The following SGCZ variants were observed in gnomAD, a reference collection of about 807,000 sequenced individuals.
SGCZ encodes the protein zeta-sarcoglycan.
SGCZ carries 40 observed loss-of-function variants against 41.3 expected under a neutral mutation model. The observed-to-expected ratio is 0.97, with a 90% CI of 0.75 to 1.26. SGCZ has a LOEUF of 1.26. SGCZ is among the 50% of genes most tolerant of loss of function. The probability of loss-of-function intolerance (pLI) is 0.00; values close to 1 mark genes in which losing one functional copy is unlikely to be tolerated. For missense variants in SGCZ, 552 were observed against 369.8 expected (o/e 1.49, Z -4.04); for synonymous variants, 206 against 137.5 (o/e 1.50, Z -3.49).
At chr8:15,145,146 C>T (rs1367483864) in intron 1 of SGCZ, among the ~76,000 whole-genome samples, 2 of 152,192 alleles carry the variant, frequency 1.3e-5, no homozygotes, top group South Asian at 4.1e-4. Flanking sequence ...CTCAGTCCTT[C>T]TGGCTTCTCT....
intron 1 of SGCZ, among the ~76,000 whole-genome samples, chr8:15,080,619 T>C (rs371212627): frequency 5.9e-5 from 9 of 151,970 alleles, no homozygotes; most frequent in African/African-American, 2.2e-4. Flanking sequence ...TGAGACAGAG[T>C]CTTGCTCTGT....
intron 1 of SGCZ, among the ~76,000 whole-genome samples, chr8:15,159,598 G>A (rs1283254487): frequency 6.6e-6 from 1 of 152,166 alleles, no homozygotes; most frequent in African/African-American, 2.4e-5. Context: ...CTTGCCTGGT[G>A]TGTGGGCAAC....
At chr8:14,792,903 T>A (rs1034853843) in intron 1 of SGCZ, among the ~76,000 whole-genome samples, 9 of 152,158 alleles carry the variant, frequency 5.9e-5, no homozygotes, top group Non-Finnish European at 1.0e-4. Context: ...AGAAGCTTCA[T>A]GGTTTTAAAT....
At chr8:15,075,909 C>A (rs546430923) in intron 1 of SGCZ, among the ~76,000 whole-genome samples, 18 of 150,576 alleles carry the variant, frequency 1.2e-4, no homozygotes, top group Admixed American at 9.2e-4. Flanking sequence ...GGCAGAAATA[C>A]AAATCATTTG....
intron 1 of SGCZ, among the ~76,000 whole-genome samples, chr8:14,718,095 T>C (rs560228847): frequency 6.6e-6 from 1 of 151,788 alleles, no homozygotes; most frequent in African/African-American, 2.4e-5. Context: ...TAGAAATGAA[T>C]AACTGTGACT....
intron 4 of SGCZ, among the ~76,000 whole-genome samples, chr8:14,190,030 T>TTTTTTTTTC (rs1805043150): frequency 6.8e-6 from 1 of 146,792 alleles, no homozygotes; most frequent in Non-Finnish European, 1.5e-5. Context: ...TTTTTTTTTT[T>TTTTTTTTTC]GAGACGGACT....
chr8:14,164,798 A>C lies in SGCZ; in HGVS notation c.425-96T>G. 7 of 1,389,060 alleles carry C rather than the reference A, an allele frequency of 5.0e-6. No homozygotes were observed. In the South Asian group the frequency reaches 9.5e-5, roughly 19 times the overall value. The allele number at this position is 1,389,060 out of a possible 1,614,324, so 86.0% of individuals were successfully genotyped here. On this transcript the variant is annotated intron_variant, in intron 4 of 7. Coordinates refer to ENST00000382080, the MANE Select transcript of SGCZ (RefSeq NM_139167.4). ...TAGACTAGAAATGCATATATTATTT[A>C]ATTTGTTTATCTCTGCTGTATGTTT...
At chr8:15,064,875 C>G (rs184212461) in intron 1 of SGCZ, among the ~76,000 whole-genome samples, 46 of 152,176 alleles carry the variant, frequency 3.0e-4, no homozygotes, top group Admixed American at 6.5e-4. Flanking sequence ...AGACCAAACC[C>G]CTGGCGTTTC....
chr8:14,533,128 A>G (rs1436828117), intron 2 of SGCZ, among the ~76,000 whole-genome samples: 7 of 151,956 alleles, frequency 4.6e-5, no homozygotes, highest in Non-Finnish European at 5.9e-5. Context: ...ATATCTCCTA[A>G]TGCTATCCTT....
In SGCZ at chr8:14,764,462, C is replaced by A. The variant is rs555115950; in HGVS notation, c.40-209536G>T. 4.6e-5 allele frequency among the ~76,000 whole-genome samples: 7 copies of A among 152,288 alleles called. No homozygotes were observed. In the South Asian group the frequency reaches 1.5e-3, roughly 32 times the overall value. ...AACAGAATAAACTGACATAATGTCT[C>A]TTGAAGTGATGCAAAGCTAAGTGTA... On this transcript the variant is annotated intron_variant, in intron 1 of 7. Coordinates refer to ENST00000382080, the MANE Select transcript of SGCZ (RefSeq NM_139167.4).
At chr8:14,369,616 C>A (rs1015306766) in intron 2 of SGCZ, among the ~76,000 whole-genome samples, 2 of 151,878 alleles carry the variant, frequency 1.3e-5, no homozygotes, top group African/African-American at 4.8e-5. Flanking sequence ...TATGAAAATA[C>A]CCTGTTTCTC....
chr8:14,939,527 A>C (rs1800197238), intron 1 of SGCZ, among the ~76,000 whole-genome samples: 1 of 150,892 alleles, frequency 6.6e-6, no homozygotes, highest in Non-Finnish European at 1.5e-5. Context: ...GGTTAAATTA[A>C]ACAAAATGAA....
chr8:14,403,340 G>C (rs984696813), intron 2 of SGCZ, among the ~76,000 whole-genome samples: 12 of 150,742 alleles, frequency 8.0e-5, no homozygotes, highest in African/African-American at 3.0e-4. Flanking sequence ...AATAGGAGTG[G>C]TGAGAGAGGG....
chr8:14,097,410 T>A (rs1319546240), intron 7 of SGCZ, among the ~76,000 whole-genome samples: 1 of 152,192 alleles, frequency 6.6e-6, no homozygotes, highest in African/African-American at 2.4e-5. Context: ...TGATTTTGAG[T>A]GAGTTTCTTA....
At chr8:14,888,772 A>C (rs1804902268) in intron 1 of SGCZ, among the ~76,000 whole-genome samples, 1 of 152,190 alleles carries the variant, frequency 6.6e-6, no homozygotes, top group African/African-American at 2.4e-5. Context: ...CATTGTCTAT[A>C]TACATTCATT....
chr8:14,826,729 C>T (rs1283565838), intron 1 of SGCZ, among the ~76,000 whole-genome samples: 1 of 152,130 alleles, frequency 6.6e-6, no homozygotes, highest in African/African-American at 2.4e-5. Flanking sequence ...GCATAAATGT[C>T]TTCTTTTGAG....
At chr8:14,924,040 C>G (rs1799669450) in intron 1 of SGCZ, among the ~76,000 whole-genome samples, 3 of 152,186 alleles carry the variant, frequency 2.0e-5, no homozygotes, top group African/African-American at 7.2e-5. Flanking sequence ...TTCCCTAAAT[C>G]CCCTCTTAAG....
chr8:15,146,231 A>C (rs1799033342), intron 1 of SGCZ, among the ~76,000 whole-genome samples: 2 of 152,228 alleles, frequency 1.3e-5, no homozygotes, highest in Admixed American at 1.3e-4. Flanking sequence ...ATCTAATCTT[A>C]TTCAATGTTT....
intron 2 of SGCZ, among the ~76,000 whole-genome samples, chr8:14,481,868 A>C (rs1285845199): frequency 6.6e-6 from 1 of 152,198 alleles, no homozygotes; most frequent in Non-Finnish European, 1.5e-5. Context: ...ATCATTTTCA[A>C]ACATTGGACA....
Sources: gnomAD v4.1 joint callset for allele counts (sites outside exome capture counted in the v4.1 genomes callset) on GRCh38, gnomAD v4.1.1 for gene constraint, MANE v1.5 for transcripts, NCBI Gene and HGNC (gene_info 2026-07-23, HGNC 2026-07-21) for gene names.